The following GPM6A variants were observed in gnomAD, a reference collection of about 807,000 sequenced individuals.
GPM6A encodes the protein neuronal membrane glycoprotein M6-a.
GPM6A carries 7 observed loss-of-function variants against 32.1 expected under a neutral mutation model. The observed-to-expected ratio is 0.22, with a 90% CI of 0.12 to 0.41. GPM6A has a LOEUF of 0.41. Ranked by LOEUF, GPM6A falls within the 10% of genes least tolerant of loss-of-function variation. GPM6A has a pLI of 1.00. For synonymous variants in GPM6A, 130 were observed against 123.4 expected, an observed-to-expected ratio of 1.05 and a Z score of -0.35; for missense variants, 235 against 347.2, an observed-to-expected ratio of 0.68 and a Z score of 2.57.
chr4:175,742,860 T>C (rs1368110076), intron 1 of GPM6A, among the ~76,000 whole-genome samples: 1 of 151,856 alleles, frequency 6.6e-6, no homozygotes, highest in Non-Finnish European at 1.5e-5. Context: ...AATAATTAAT[T>C]ATTTAGCCAG....
chr4:175,726,413 T>G (rs1746413450), intron 1 of GPM6A, among the ~76,000 whole-genome samples: 1 of 152,198 alleles, frequency 6.6e-6, no homozygotes, highest in Non-Finnish European at 1.5e-5. Context: ...TGTGTTTCCT[T>G]TACCAAAAAC....
intron 1 of GPM6A, among the ~76,000 whole-genome samples, chr4:175,784,335 C>T (rs1406846566): frequency 6.6e-6 from 1 of 152,068 alleles, no homozygotes; most frequent in African/African-American, 2.4e-5. Context: ...GAAACTAACG[C>T]AACAATAGTT....
At chr4:175,720,375 GTC>G (rs879733805) in intron 1 of GPM6A, among the ~76,000 whole-genome samples, 1 of 152,054 alleles carries the variant, frequency 6.6e-6, no homozygotes, top group Non-Finnish European at 1.5e-5. Flanking sequence ...ATTCCTATCA[GTC>G]ACCTCTGGTG....
At chr4:175,775,480 A>T (rs1044791337) in intron 1 of GPM6A, among the ~76,000 whole-genome samples, 2 of 152,056 alleles carry the variant, frequency 1.3e-5, no homozygotes, top group African/African-American at 4.8e-5. Flanking sequence ...AAAACCCTAG[A>T]TTTTTCCATT....
intron 1 of GPM6A, among the ~76,000 whole-genome samples, chr4:176,001,192 C>G (rs1363751560): frequency 2.0e-5 from 3 of 152,180 alleles, no homozygotes; most frequent in Admixed American, 2.0e-4. Flanking sequence ...AACCCGAGCA[C>G]GTCAGTCCCC....
In GPM6A at chr4:175,782,355, ATCCTTGAAGGT is replaced by A. The variant is rs1733643453; in HGVS notation, c.37+29825_37+29835del. Among the ~76,000 whole-genome samples, 5 of 152,088 alleles carry A rather than the reference ATCCTTGAAGGT, an allele frequency of 3.3e-5. No individual in the cohort carries two copies. In the South Asian group the frequency reaches 1.0e-3, roughly 32 times the overall value. ...ACTTTCACCCTTCAAAATCTTAATCATCCTTGAAGGTTCCTACAAAAAAGTCACCCTTATGC... is the reference window on the plus strand; with the variant it reads ...ACTTTCACCCTTCAAAATCTTAATCATCCTACAAAAAAGTCACCCTTATGC... On this transcript the variant is annotated intron_variant, in intron 1 of 6. Coordinates refer to ENST00000393658, the MANE Select transcript of GPM6A (RefSeq NM_201591.3).
At chr4:175,646,070 AT>A (rs1160767423) in intron 4 of GPM6A, among the ~76,000 whole-genome samples, 2 of 152,008 alleles carry the variant, frequency 1.3e-5, no homozygotes, top group Non-Finnish European at 2.9e-5. Context: ...ATTTTTAAGG[AT>A]GCTTCTGATT....
At chr4:175,773,186 T>A (rs1020831736) in intron 1 of GPM6A, among the ~76,000 whole-genome samples, 1 of 152,226 alleles carries the variant, frequency 6.6e-6, no homozygotes, top group Non-Finnish European at 1.5e-5. Flanking sequence ...TTGAATGGTT[T>A]TTCAGAAGAA....
chr4:175,908,008 T>C (rs78713407), intron 1 of GPM6A, among the ~76,000 whole-genome samples: 2,323 of 152,154 alleles, frequency 0.015, 54 homozygotes, highest in African/African-American at 0.053. Flanking sequence ...ATTTTTAGGG[T>C]TAACAGGAAG....
chr4:175,871,609 T>A (rs73010145), intron 1 of GPM6A, among the ~76,000 whole-genome samples: 1 of 152,174 alleles, frequency 6.6e-6, no homozygotes, highest in African/African-American at 2.4e-5. Flanking sequence ...ACCTTGATTC[T>A]CAAGTAATGA....
At chr4:175,790,811 A>G (rs1053448684) in intron 1 of GPM6A, among the ~76,000 whole-genome samples, 3 of 152,216 alleles carry the variant, frequency 2.0e-5, no homozygotes, top group African/African-American at 7.2e-5. Context: ...TTCATTGCCT[A>G]AAAAATATTT....
At chr4:175,974,115 C>G (rs951585664) in intron 1 of GPM6A, among the ~76,000 whole-genome samples, 1 of 151,866 alleles carries the variant, frequency 6.6e-6, no homozygotes, top group Non-Finnish European at 1.5e-5. Context: ...CACCTGTAAT[C>G]CCAGCTACTT....
intron 2 of GPM6A, among the ~76,000 whole-genome samples, chr4:175,677,281 G>A (rs965783494): frequency 2.6e-5 from 4 of 152,026 alleles, no homozygotes; most frequent in Non-Finnish European, 4.4e-5. Flanking sequence ...CTATAAATTT[G>A]GCCTGAAATG....
chr4:175,992,133 T>G (rs1264094057), intron 1 of GPM6A, among the ~76,000 whole-genome samples: 2 of 151,478 alleles, frequency 1.3e-5, no homozygotes, highest in African/African-American at 4.9e-5. Context: ...GTTGTTAGCA[T>G]AAAACATATA....
intron 1 of GPM6A, among the ~76,000 whole-genome samples, chr4:175,971,625 A>AAAACC (rs1300392997): frequency 6.6e-6 from 1 of 152,208 alleles, no homozygotes; most frequent in Non-Finnish European, 1.5e-5. Context: ...AGCTATCAAG[A>AAAACC]AAACCAAACC....
At chr4:175,638,819 A>G (rs1183762760) in intron 6 of GPM6A, among the ~76,000 whole-genome samples, 1 of 152,154 alleles carries the variant, frequency 6.6e-6, no homozygotes. Flanking sequence ...ACAAGGGTAC[A>G]TATGTTTCCT....
intron 1 of GPM6A, among the ~76,000 whole-genome samples, chr4:175,909,448 T>A (rs1261702250): frequency 6.6e-6 from 1 of 152,156 alleles, no homozygotes; most frequent in Middle Eastern, 3.2e-3. Flanking sequence ...TATTCATGAG[T>A]AAACTGTTAT....
chr4:175,865,246 C>A (rs1391850343), intron 1 of GPM6A, among the ~76,000 whole-genome samples: 1 of 152,156 alleles, frequency 6.6e-6, no homozygotes, highest in Non-Finnish European at 1.5e-5. Context: ...AATCAACTGG[C>A]TATATAGATG....
At chr4:175,875,760 A>C (rs1737066001) in intron 1 of GPM6A, among the ~76,000 whole-genome samples, 1 of 152,170 alleles carries the variant, frequency 6.6e-6, no homozygotes, top group Non-Finnish European at 1.5e-5. Context: ...TAAAATACAG[A>C]AGATCATTCT....
Sources: gnomAD v4.1 joint callset for allele counts (sites outside exome capture counted in the v4.1 genomes callset) on GRCh38, gnomAD v4.1.1 for gene constraint, MANE v1.5 for transcripts, NCBI Gene and HGNC (gene_info 2026-07-23, HGNC 2026-07-21) for gene names.